Variants in C2orf76 observed in about 807,000 individuals in gnomAD.
C2orf76 encodes the protein chromosome 2 open reading frame 76, also known as UPF0538 protein C2orf76.
C2orf76 carries 23 observed loss-of-function variants against 16.9 expected under a neutral mutation model. The ratio of observed to expected loss-of-function variants is 1.36; its 90% CI spans 0.98 to 1.93. The LOEUF is 1.93. C2orf76 is among the 30% of genes most tolerant of loss of function. The probability of loss-of-function intolerance (pLI) is 0.00; values close to 1 mark genes in which losing one functional copy is unlikely to be tolerated. For missense variants in C2orf76, 152 were observed against 152.6 expected (o/e 1.00, Z 0.02); for synonymous variants, 48 against 52.3 (o/e 0.92, Z 0.35).
chr2:119,292,326 T>G, the C2orf76 span, among the ~76,000 whole-genome samples: 1 of 152,300 alleles, frequency 6.6e-6, no homozygotes, highest in East Asian at 1.9e-4. Flanking sequence ...TTATCTTGCC[T>G]ATTGTGACTA....
chr2:119,348,137 A>G (rs1310920277), intron 1 of C2orf76, among the ~76,000 whole-genome samples: 1 of 152,074 alleles, frequency 6.6e-6, no homozygotes, highest in African/African-American at 2.4e-5. Flanking sequence ...CCATTTGTAA[A>G]TGCTTGACAT....
At chr2:119,291,884 C>G in the C2orf76 span, among the ~76,000 whole-genome samples, 1 of 152,054 alleles carries the variant, frequency 6.6e-6, no homozygotes, top group Non-Finnish European at 1.5e-5. Context: ...AACAAAGTCA[C>G]AGAGAAATTC....
the C2orf76 span, among the ~76,000 whole-genome samples, chr2:119,283,008 C>A: frequency 6.6e-6 from 1 of 152,166 alleles, no homozygotes; most frequent in Admixed American, 6.5e-5. Flanking sequence ...TGAGGATGGG[C>A]ACAGGGGAAG....
chr2:119,307,467 G>A lies in C2orf76; in HGVS notation c.304+4155C>T, dbSNP rs551799729. ...AAAAAAAAAAAAAATCACATTTCAA[G>A]TATCATTTTCACAACTCAATTCTCA... is the stretch of plus-strand genomic sequence containing the variant. On this transcript the variant is annotated intron_variant, in intron 5 of 5. Transcript: ENST00000334816. Among the ~76,000 whole-genome samples, 11 of 151,392 alleles carry A rather than the reference G, an allele frequency of 7.3e-5. No homozygotes were observed. In the East Asian group the frequency reaches 1.9e-3, roughly 27 times the overall value.
rs149920293 is a variant in C2orf76 at position 119,302,936 on chromosome 2, G to C, written c.305-388C>G. 1.2e-3 allele frequency among the ~76,000 whole-genome samples: 175 copies of C among 140,760 alleles called. 2 individuals are homozygous for C. Among genetic ancestry groups the C allele is most frequent in the African/African-American group, 4.3e-3 (170 of 39,936 alleles). The allele number at this position is 140,760 out of a possible 152,430, so 92.3% of individuals were successfully genotyped here. A position where few individuals can be genotyped will look rare whatever the true frequency, so the allele number is the denominator to read the frequency against. The stretch of plus-strand genomic sequence containing the variant: ...ATGCTACTCAGGTACTGAAGGAAGG[G>C]GAGGGAAAACTCTTTTCCCCCCCTG... On this transcript the variant is annotated intron_variant, in intron 5 of 5. Transcript: ENST00000334816.
intron 2 of C2orf76, among the ~76,000 whole-genome samples, chr2:119,337,295 TC>T (rs57015780): frequency 0.11 from 16,906 of 151,664 alleles, 1,104 homozygotes; most frequent in African/African-American, 0.17. Context: ...GGTCTCAAGC[TC>T]CTGGGCTCAA....
intron 1 of C2orf76, among the ~76,000 whole-genome samples, chr2:119,364,360 G>A (rs1292789792): frequency 6.6e-6 from 1 of 152,184 alleles, no homozygotes; most frequent in Non-Finnish European, 1.5e-5. Context: ...TCATCTCCAG[G>A]TGCTCTGCTT....
chr2:119,295,744 G>A, the C2orf76 span, among the ~76,000 whole-genome samples: 6 of 152,182 alleles, frequency 3.9e-5, no homozygotes, highest in African/African-American at 1.4e-4. Flanking sequence ...TTTTGAAAGA[G>A]TCACATGACT....
At chr2:119,282,508 T>C in the C2orf76 span, among the ~76,000 whole-genome samples, 429 of 152,346 alleles carry the variant, frequency 2.8e-3, 1 homozygote, top group African/African-American at 9.8e-3. Context: ...ATTTATTCTT[T>C]AGCCACTTGA....
chr2:119,345,057 C>T (rs1680155091), intron 1 of C2orf76, among the ~76,000 whole-genome samples: 1 of 152,034 alleles, frequency 6.6e-6, no homozygotes, highest in Non-Finnish European at 1.5e-5. Flanking sequence ...CATGAAGAGG[C>T]ACCAGAAGAA....
rs1011573187 is a variant in C2orf76, at chr2:119,323,581, G to A, written c.134-2377C>T. 5.3e-5 allele frequency among the ~76,000 whole-genome samples: 8 copies of A among 152,186 alleles called. No individual in the cohort carries two copies. The South Asian group carries it at 8.3e-4, about 16-fold the overall frequency. ...ACGTCAGGATCACCCAGCCTGGCAC[G>A]AGTGGATCTGACTCACGGTAGGCTG... is the stretch of plus-strand genomic sequence containing the variant. On this transcript the variant is annotated intron_variant, in intron 2 of 5. Transcript: ENST00000334816.
chr2:119,311,623 G>A lies in C2orf76; in HGVS notation c.303C>T (p.Ile101=), dbSNP rs201448872. The change falls in exon 5 of 6, where the codon ATC becomes ATT. Residue 101 remains isoleucine, a splice_region_variant and synonymous_variant. Transcript: ENST00000334816. ...KEDSTLKAAG[I]ASETEIAFFC... ...GCAACACAAGGCCCCCTTCCTCACCGATTCCAGCTGCTTTCAGAGTGCTGT... is the reference window on the plus strand; with the variant it reads ...GCAACACAAGGCCCCCTTCCTCACCAATTCCAGCTGCTTTCAGAGTGCTGT... The A allele has an allele frequency of 2.2e-4, 347 of 1,612,658 alleles. 3 individuals carry two copies. The highest frequency in any genetic ancestry group is 1.7e-3 in the South Asian group (152 of 90,954).
downstream of C2orf76, among the ~76,000 whole-genome samples, chr2:119,301,296 G>A (rs1678618054): frequency 6.6e-6 from 1 of 152,190 alleles, no homozygotes; most frequent in Non-Finnish European, 1.5e-5. Context: ...AATAAAATAA[G>A]TAGAATTTAT....
the C2orf76 span, among the ~76,000 whole-genome samples, chr2:119,282,059 T>C: frequency 1.3e-5 from 2 of 151,656 alleles, no homozygotes; most frequent in Non-Finnish European, 2.9e-5. Context: ...GGCAGGAGAA[T>C]CACTTGAATC....
chr2:119,343,500 ACACACACACACACACT>A (rs1680101273), intron 1 of C2orf76, among the ~76,000 whole-genome samples: 2 of 151,948 alleles, frequency 1.3e-5, no homozygotes, highest in African/African-American at 4.8e-5. Flanking sequence ...ACACACACAC[ACACACACACACACACT>A]GGGAAGCGCT....
At chr2:119,323,203 TA>T (rs1214745584) in intron 2 of C2orf76, among the ~76,000 whole-genome samples, 2 of 151,048 alleles carry the variant, frequency 1.3e-5, no homozygotes, top group African/African-American at 2.4e-5. Flanking sequence ...TTTTTTTTTT[TA>T]ATAGACAGGT....
the C2orf76 span, among the ~76,000 whole-genome samples, chr2:119,285,866 G>A: frequency 6.6e-6 from 1 of 152,134 alleles, no homozygotes; most frequent in Non-Finnish European, 1.5e-5. Context: ...AGGCCATGGA[G>A]ATGCAAGAGT....
Position 119,302,319 on chromosome 2 carries a change from G to GGAAA in C2orf76, c.*149_*152dup, listed in dbSNP as rs16744. 275,677 of 411,660 alleles carry GGAAA rather than the reference G, an allele frequency of 0.67. 94,811 individuals are homozygous for GGAAA. The highest frequency in any genetic ancestry group is 0.88 in the African/African-American group (42,715 of 48,308). The allele number at this position is 411,660 out of a possible 1,614,324, so 25.5% of individuals were successfully genotyped here. A position where few individuals can be genotyped will look rare whatever the true frequency, so the allele number is the denominator to read the frequency against. On this transcript the variant is annotated 3_prime_UTR_variant, in exon 6 of 6. Coordinates refer to ENST00000334816, the MANE Select transcript of C2orf76 (RefSeq NM_001322331.2). Reference sequence around the variant, plus strand: ...ACAACAAAGAAAAAGAAAGAGAGAAGGAAAGACCTGAAGAGAAAGAAATAA... The same window carrying GGAAA: ...ACAACAAAGAAAAAGAAAGAGAGAAGGAAAGAAAGACCTGAAGAGAAAGAAATAA...
intron 5 of C2orf76, among the ~76,000 whole-genome samples, chr2:119,309,174 G>A (rs1354690651): frequency 6.6e-6 from 1 of 152,052 alleles, no homozygotes; most frequent in Non-Finnish European, 1.5e-5. Context: ...TTACAAGCAT[G>A]AGCCACTGCA....
Sources: gnomAD v4.1 joint callset for allele counts (sites outside exome capture counted in the v4.1 genomes callset) on GRCh38, gnomAD v4.1.1 for gene constraint, MANE v1.5 for transcripts, NCBI Gene and HGNC (gene_info 2026-07-23, HGNC 2026-07-21) for gene names.